The following MAPKAP1 variants were observed in gnomAD, a reference collection of about 807,000 sequenced individuals.
The protein encoded by MAPKAP1 is target of rapamycin complex 2 subunit MAPKAP1.
A neutral mutation model predicts 65.7 loss-of-function variants in MAPKAP1; 20 were observed. The ratio of observed to expected loss-of-function variants is 0.30; its 90% CI spans 0.21 to 0.44. The LOEUF is 0.44. Among genes scored for constraint, MAPKAP1 ranks in the 20% least tolerant of loss-of-function variants. MAPKAP1 has a pLI of 1.00. For synonymous variants in MAPKAP1, 222 were observed against 244.3 expected, an observed-to-expected ratio of 0.91 and a Z score of 0.85; for missense variants, 423 against 648.0, an observed-to-expected ratio of 0.65 and a Z score of 3.77.
chr9:125,444,085 G>C (rs1216049804), intron 11 of MAPKAP1, among the ~76,000 whole-genome samples: 1 of 152,164 alleles, frequency 6.6e-6, no homozygotes, highest in East Asian at 1.9e-4. Flanking sequence ...GGTATGTTTA[G>C]AACAGGTTGC....
intron 9 of MAPKAP1, chr9:125,478,073 G>C (rs1467197046): frequency 6.6e-6 from 1 of 152,216 alleles, no homozygotes; most frequent in Non-Finnish European, 1.5e-5. Flanking sequence ...TTCAATTTAA[G>C]AATTACCTTC....
intron 1 of MAPKAP1, among the ~76,000 whole-genome samples, chr9:125,689,677 T>G (rs1205250854): frequency 1.4e-5 from 2 of 143,310 alleles, no homozygotes; most frequent in African/African-American, 5.2e-5. Flanking sequence ...AGGTGGAGGT[T>G]GCAGTGAGCC....
At chr9:125,655,739 A>G (rs544445736) in intron 4 of MAPKAP1, among the ~76,000 whole-genome samples, 103 of 152,378 alleles carry the variant, frequency 6.8e-4, no homozygotes, top group South Asian at 1.9e-3. Context: ...ATAATAATAC[A>G]ATAGCATCAC....
chr9:125,582,022 C>G (rs575730507), intron 5 of MAPKAP1, among the ~76,000 whole-genome samples: 77 of 151,930 alleles, frequency 5.1e-4, no homozygotes, highest in Admixed American at 7.9e-4. Context: ...TCCTTCATGT[C>G]TCTTCTCTTT....
At chr9:125,557,512 G>C (rs970406117) in intron 6 of MAPKAP1, among the ~76,000 whole-genome samples, 14 of 152,088 alleles carry the variant, frequency 9.2e-5, no homozygotes, top group Admixed American at 7.9e-4. Context: ...CTTTCAGAGG[G>C]CTATTGTCAA....
chr9:125,669,715 C>G (rs557816554), intron 3 of MAPKAP1, 103 bp downstream of exon 3: 2 of 561,806 alleles, frequency 3.6e-6, no homozygotes, highest in East Asian at 3.4e-5. Context: ...CTAGAGGTAT[C>G]TAAGTCCAGA....
intron 5 of MAPKAP1, among the ~76,000 whole-genome samples, chr9:125,575,417 C>T (rs1831363423): frequency 6.6e-6 from 1 of 152,170 alleles, no homozygotes; most frequent in African/African-American, 2.4e-5. Flanking sequence ...AACCCACCAA[C>T]TTTCCCTAAG....
At position 125,676,602 on chromosome 9, in the gene MAPKAP1, G is replaced by A. The variant is rs117314925; in HGVS notation, c.-69-3959C>T. Among the ~76,000 whole-genome samples the A allele has an allele frequency of 2.6e-5, 4 of 152,320 alleles. No individual in the cohort carries two copies. The East Asian group carries it at 7.7e-4, about 29-fold the overall frequency. On this transcript the variant is annotated intron_variant, in intron 1 of 11. Coordinates refer to ENST00000265960, the MANE Select transcript of MAPKAP1 (RefSeq NM_001006617.3). ...ACAGAAAGTCTAACAGCAGTTGCTAGGAGCTGGAGGAAGGTAGTAATGGGG... is the reference window on the plus strand; with the variant it reads ...ACAGAAAGTCTAACAGCAGTTGCTAAGAGCTGGAGGAAGGTAGTAATGGGG...
At chr9:125,680,252 A>C (rs565083256) in intron 1 of MAPKAP1, among the ~76,000 whole-genome samples, 3 of 152,170 alleles carry the variant, frequency 2.0e-5, no homozygotes, top group African/African-American at 7.2e-5. Context: ...GGAGAAAAAA[A>C]GGCTTTTTAT....
chr9:125,521,623 G>A, intron 7 of MAPKAP1: 1 of 1,518,434 alleles, frequency 6.6e-7, no homozygotes, highest in Non-Finnish European at 8.8e-7. Flanking sequence ...GGAACAGACA[G>A]TAAATCCAGA....
intron 4 of MAPKAP1, among the ~76,000 whole-genome samples, chr9:125,598,917 G>C (rs903730254): frequency 5.9e-5 from 9 of 151,484 alleles, no homozygotes; most frequent in African/African-American, 1.9e-4. Context: ...GCAGGCACCT[G>C]TACTCCCAGA....
At chr9:125,555,712 G>A (rs1830717597) in intron 6 of MAPKAP1, among the ~76,000 whole-genome samples, 1 of 152,244 alleles carries the variant, frequency 6.6e-6, no homozygotes, top group Non-Finnish European at 1.5e-5. Context: ...CAATAAGACT[G>A]TGCCTTCCTA....
chr9:125,536,812 T>C (rs1254281289), intron 7 of MAPKAP1, among the ~76,000 whole-genome samples: 2 of 152,188 alleles, frequency 1.3e-5, no homozygotes, highest in East Asian at 3.8e-4. Flanking sequence ...GCTAGAAGGG[T>C]GTTAAAAACC....
intron 2 of MAPKAP1, among the ~76,000 whole-genome samples, chr9:125,672,050 T>C (rs745351472): frequency 7.9e-5 from 12 of 152,224 alleles, no homozygotes; most frequent in Non-Finnish European, 1.5e-4. Flanking sequence ...ACACAATGAC[T>C]TGTTAGAAAT....
chr9:125,565,237 G>A (rs1052924725), intron 5 of MAPKAP1: 1 of 152,142 alleles, frequency 6.6e-6, no homozygotes, highest in Non-Finnish European at 1.5e-5. Context: ...TCAAAGGCCA[G>A]TATAGCTTTC....
intron 1 of MAPKAP1, among the ~76,000 whole-genome samples, chr9:125,677,873 C>G (rs932840953): frequency 3.9e-5 from 6 of 152,112 alleles, no homozygotes; most frequent in African/African-American, 1.4e-4. Flanking sequence ...ATAGGGATAT[C>G]CATGCACAGT....
In MAPKAP1 at chr9:125,559,822, C is replaced by T. The variant is rs896768296; in HGVS notation, c.672-13G>A. ...ACTGACATTGTCACTGAAAGGAAAA[C>T]CAAAAAGGCGAGTGAATACCAAGGT... is the stretch of plus-strand genomic sequence containing the variant. On this transcript the variant is annotated splice_polypyrimidine_tract_variant and intron_variant, in intron 5 of 11. Coordinates refer to ENST00000265960, the MANE Select transcript of MAPKAP1 (RefSeq NM_001006617.3). 1 of 1,601,600 alleles carries T rather than the reference C, an allele frequency of 6.2e-7. No homozygotes were observed. Among genetic ancestry groups the T allele is most frequent in the South Asian group, 1.1e-5 (1 of 89,396 alleles).
chr9:125,676,914 T>C (rs542683687), intron 1 of MAPKAP1, among the ~76,000 whole-genome samples: 5 of 152,364 alleles, frequency 3.3e-5, no homozygotes, highest in African/African-American at 1.2e-4. Flanking sequence ...TTTTAAATTA[T>C]GTACTTTGTG....
chr9:125,633,022 T>A (rs559226958), intron 4 of MAPKAP1, among the ~76,000 whole-genome samples: 2 of 152,324 alleles, frequency 1.3e-5, no homozygotes, highest in East Asian at 3.9e-4. Flanking sequence ...AAACCCATGG[T>A]GGCTCCTAGC....
Sources: allele counts gnomAD v4.1 joint callset (sites outside exome capture counted in the v4.1 genomes callset), GRCh38; gene constraint gnomAD v4.1.1; transcripts MANE v1.5; gene names NCBI Gene and HGNC (gene_info 2026-07-23, HGNC 2026-07-21).